Variants in ZNF804B observed in about 807,000 individuals in gnomAD.
ZNF804B encodes zinc finger protein 804B.
A neutral mutation model predicts 101.4 loss-of-function variants in ZNF804B; 80 were observed. The ratio of observed to expected loss-of-function variants is 0.79; its 90% CI spans 0.66 to 0.95. The LOEUF (loss-of-function observed/expected upper bound fraction) is 0.95, where lower values mean the gene tolerates loss of function less well. Ranked by LOEUF, ZNF804B falls within the 40% of genes least tolerant of loss-of-function variation. The pLI, the probability that ZNF804B is intolerant of heterozygous loss-of-function variation, is 0.00. For synonymous variants in ZNF804B, 622 were observed against 558.8 expected, an observed-to-expected ratio of 1.11 and a Z score of -1.59; for missense variants, 1,673 against 1,561.9, an observed-to-expected ratio of 1.07 and a Z score of -1.20.
intron 1 of ZNF804B, among the ~76,000 whole-genome samples, chr7:89,036,693 A>G (rs1471846413): frequency 6.6e-6 from 1 of 152,102 alleles, no homozygotes; most frequent in African/African-American, 2.4e-5. Flanking sequence ...TGGTGTGGAC[A>G]CCTGATTTCC....
At chr7:89,267,463 C>T (rs1046789115) in intron 2 of ZNF804B, among the ~76,000 whole-genome samples, 1 of 152,156 alleles carries the variant, frequency 6.6e-6, no homozygotes, top group Admixed American at 6.6e-5. Context: ...TCCATGGGCT[C>T]AGATGATAAC....
intron 1 of ZNF804B, among the ~76,000 whole-genome samples, chr7:89,108,977 G>A (rs1351855603): frequency 6.6e-6 from 1 of 152,140 alleles, no homozygotes; most frequent in South Asian, 2.1e-4. Flanking sequence ...TTCATGCAGA[G>A]CTGTGTCATT....
intron 1 of ZNF804B, among the ~76,000 whole-genome samples, chr7:89,119,735 A>G (rs1315776508): frequency 1.3e-5 from 2 of 152,334 alleles, no homozygotes; most frequent in South Asian, 4.1e-4. Context: ...AGTTACTTAA[A>G]TCAAGCAAGC....
At position 88,854,537 on chromosome 7, in the gene ZNF804B, T is replaced by TTCCTTTCCTTC. The variant is rs774304273; in HGVS notation, c.108+94453_108+94454insTCCTTTCCTTC. Among the ~76,000 whole-genome samples the TTCCTTTCCTTC allele has an allele frequency of 2.4e-4, 23 of 95,180 alleles. 3 individuals are homozygous for TTCCTTTCCTTC. The highest frequency in any genetic ancestry group is 9.4e-4 in the South Asian group (2 of 2,134). The allele number at this position is 95,180 out of a possible 152,430, so 62.4% of individuals were successfully genotyped here. A position where few individuals can be genotyped will look rare whatever the true frequency, so the allele number is the denominator to read the frequency against. Reference sequence around the variant, plus strand: ...CTTTCCTTTCCTTCCTTTCCTTCCTTCCTTCCTTCCTTCCTTCCTTCCTTC... The same window carrying TTCCTTTCCTTC: ...CTTTCCTTTCCTTCCTTTCCTTCCTTTCCTTTCCTTCCCTTCCTTCCTTCCTTCCTTCCTTC... On this transcript the variant is annotated intron_variant, in intron 1 of 3. Coordinates refer to ENST00000333190, the MANE Select transcript of ZNF804B (RefSeq NM_181646.5).
At chr7:89,007,552 ATATTTATCTATT>A (rs1788387123) in intron 1 of ZNF804B, among the ~76,000 whole-genome samples, 1 of 111,716 alleles carries the variant, frequency 9.0e-6, no homozygotes, top group Non-Finnish European at 1.7e-5. Context: ...TATATAATAT[ATATTTATCTATT>A]ATAATTATAT....
At chr7:88,778,815 G>A (rs1790184153) in intron 1 of ZNF804B, among the ~76,000 whole-genome samples, 1 of 152,148 alleles carries the variant, frequency 6.6e-6, no homozygotes, top group Admixed American at 6.5e-5. Context: ...CTAGCTGGTG[G>A]AGCCGCCGAT....
intron 2 of ZNF804B, among the ~76,000 whole-genome samples, chr7:89,270,701 T>C (rs1482055220): frequency 6.6e-6 from 1 of 152,222 alleles, no homozygotes; most frequent in Non-Finnish European, 1.5e-5. Context: ...TCCATGAGCA[T>C]GGACTATTTT....
chr7:88,760,167 T>A (rs1789872870), intron 1 of ZNF804B, 83 bp downstream of exon 1: 1 of 1,127,042 alleles, frequency 8.9e-7, no homozygotes, highest in Non-Finnish European at 1.3e-6. Flanking sequence ...AGTATCCTGA[T>A]ACAATGAGTA....
chr7:89,031,872 C>T (rs952938651), intron 1 of ZNF804B, among the ~76,000 whole-genome samples: 2 of 151,976 alleles, frequency 1.3e-5, no homozygotes, highest in Non-Finnish European at 2.9e-5. Context: ...AAATCAATGT[C>T]GTTCTGAGGC....
chr7:89,243,872 G>T (rs1789408046), intron 2 of ZNF804B, among the ~76,000 whole-genome samples: 1 of 151,764 alleles, frequency 6.6e-6, no homozygotes, highest in East Asian at 1.9e-4. Flanking sequence ...AAGGATCAAT[G>T]CTTCAAAAGC....
chr7:88,972,289 G>A (rs77301914), intron 1 of ZNF804B, among the ~76,000 whole-genome samples: 3,429 of 151,536 alleles, frequency 0.023, 133 homozygotes, highest in African/African-American at 0.078. Flanking sequence ...ACTGTTTCCA[G>A]TTTCTCCAGG....
chr7:89,056,702 G>A (rs1434440094), intron 1 of ZNF804B, among the ~76,000 whole-genome samples: 1 of 152,092 alleles, frequency 6.6e-6, no homozygotes, highest in Admixed American at 6.6e-5. Flanking sequence ...GTCACAACAA[G>A]GTTGGATCTT....
chr7:89,168,584 T>C (rs575632353), intron 1 of ZNF804B, among the ~76,000 whole-genome samples: 1 of 151,850 alleles, frequency 6.6e-6, no homozygotes, highest in African/African-American at 2.4e-5. Flanking sequence ...TAGTAAAAAG[T>C]AACCCCTTAA....
chr7:88,930,386 C>T (rs1478779641), intron 1 of ZNF804B, among the ~76,000 whole-genome samples: 2 of 151,914 alleles, frequency 1.3e-5, no homozygotes, highest in African/African-American at 4.8e-5. Flanking sequence ...AAACCTCCAA[C>T]AATTTAAAAG....
At chr7:88,867,191 A>G (rs1366052158) in intron 1 of ZNF804B, among the ~76,000 whole-genome samples, 1 of 152,208 alleles carries the variant, frequency 6.6e-6, no homozygotes, top group Non-Finnish European at 1.5e-5. Context: ...AGATATATAT[A>G]TATGAGAGAG....
chr7:89,068,225 G>A (rs1393578770), intron 1 of ZNF804B, among the ~76,000 whole-genome samples: 1 of 150,932 alleles, frequency 6.6e-6, no homozygotes, highest in Non-Finnish European at 1.5e-5. Context: ...AATACTGTGA[G>A]CATTTTCTTC....
chr7:89,156,074 C>T (rs371837198), intron 1 of ZNF804B, among the ~76,000 whole-genome samples: 4,147 of 69,596 alleles, frequency 0.06, 160 homozygotes, highest in South Asian at 0.085. Context: ...CTTTCTTTCT[C>T]TCTTTCTCTC....
At chr7:89,274,099 C>T (rs1300956800) in intron 2 of ZNF804B, among the ~76,000 whole-genome samples, 4 of 151,686 alleles carry the variant, frequency 2.6e-5, no homozygotes, top group African/African-American at 9.7e-5. Flanking sequence ...CTACCAAAAT[C>T]GGCAGCACTA....
intron 1 of ZNF804B, among the ~76,000 whole-genome samples, chr7:88,821,453 G>A (rs569192134): frequency 1.2e-4 from 18 of 152,102 alleles, no homozygotes; most frequent in Middle Eastern, 3.4e-3. Flanking sequence ...TTTCCAATAC[G>A]GATATACTTT....
Sources: gnomAD v4.1 joint callset for allele counts (sites outside exome capture counted in the v4.1 genomes callset) on GRCh38, gnomAD v4.1.1 for gene constraint, MANE v1.5 for transcripts, NCBI Gene and HGNC (gene_info 2026-07-23, HGNC 2026-07-21) for gene names.